Variants in PLXDC2 observed in about 807,000 individuals in gnomAD.
The protein encoded by PLXDC2 is plexin domain containing 2, also known as plexin domain-containing protein 2.
A neutral mutation model predicts 68.9 loss-of-function variants in PLXDC2; 40 were observed. That is an observed-to-expected ratio of 0.58 (90% confidence interval 0.45 to 0.76). The LOEUF is 0.76. Among genes scored for constraint, PLXDC2 ranks in the 30% least tolerant of loss-of-function variants. The pLI, the probability that PLXDC2 is intolerant of heterozygous loss-of-function variation, is 0.00. For missense variants in PLXDC2, 644 were observed against 661.9 expected, an observed-to-expected ratio of 0.97 and a Z score of 0.30; for synonymous variants, 243 against 234.2, an observed-to-expected ratio of 1.04 and a Z score of -0.34.
intron 1 of PLXDC2, among the ~76,000 whole-genome samples, chr10:19,849,582 T>A (rs747837182): frequency 4.6e-5 from 7 of 152,106 alleles, no homozygotes; most frequent in Non-Finnish European, 1.0e-4. Context: ...TTCCCCCTTT[T>A]GCTTGGCGCT....
At chr10:20,238,356 T>C (rs1588536193) in intron 12 of PLXDC2, among the ~76,000 whole-genome samples, 1 of 151,488 alleles carries the variant, frequency 6.6e-6, no homozygotes, top group East Asian at 1.9e-4. Context: ...TTTAAAAATA[T>C]GTTCTCTTGG....
At chr10:20,144,157 A>T (rs930928900) in intron 5 of PLXDC2, among the ~76,000 whole-genome samples, 1 of 152,188 alleles carries the variant, frequency 6.6e-6, no homozygotes, top group African/African-American at 2.4e-5. Context: ...TTTATATTGC[A>T]ATGATTAAAT....
intron 2 of PLXDC2, among the ~76,000 whole-genome samples, chr10:20,032,892 C>A (rs1835523204): frequency 6.6e-6 from 1 of 151,654 alleles, no homozygotes; most frequent in Non-Finnish European, 1.5e-5. Flanking sequence ...ACTTATTACC[C>A]AGTTTTTGTA....
chr10:19,939,172 A>T (rs2131396325), intron 1 of PLXDC2, among the ~76,000 whole-genome samples: 1 of 152,346 alleles, frequency 6.6e-6, no homozygotes, highest in South Asian at 2.1e-4. Context: ...GAATAATACA[A>T]AGTAATCGAT....
chr10:20,170,106 A>AT (rs1219688434), intron 7 of PLXDC2, among the ~76,000 whole-genome samples: 2 of 152,202 alleles, frequency 1.3e-5, no homozygotes, highest in African/African-American at 4.8e-5. Flanking sequence ...AAATACTACA[A>AT]AGAGGGTCTT....
chr10:20,056,764 G>A (rs1297134191), intron 3 of PLXDC2, among the ~76,000 whole-genome samples: 1 of 152,046 alleles, frequency 6.6e-6, no homozygotes, highest in South Asian at 2.1e-4. Flanking sequence ...TGGGTCTTTA[G>A]TGGAGGATGA....
intron 1 of PLXDC2, among the ~76,000 whole-genome samples, chr10:19,853,563 A>G (rs1246282739): frequency 6.8e-6 from 1 of 147,638 alleles, no homozygotes; most frequent in Non-Finnish European, 1.5e-5. Flanking sequence ...GCCTCTCCTT[A>G]TTCCTCTTCT....
At chr10:19,937,852 TCC>T (rs1833753970) in intron 1 of PLXDC2, among the ~76,000 whole-genome samples, 1 of 152,050 alleles carries the variant, frequency 6.6e-6, no homozygotes, top group African/African-American at 2.4e-5. Context: ...CAACGTCCAG[TCC>T]TTGGTCACTA....
intron 1 of PLXDC2, among the ~76,000 whole-genome samples, chr10:19,831,884 A>G (rs1455613988): frequency 6.6e-6 from 1 of 152,104 alleles, no homozygotes; most frequent in African/African-American, 2.4e-5. Context: ...ACTGCAATGC[A>G]TGTCTGCATG....
intron 1 of PLXDC2, among the ~76,000 whole-genome samples, chr10:19,886,576 C>A (rs1432507947): frequency 1.3e-5 from 2 of 152,160 alleles, no homozygotes; most frequent in East Asian, 3.8e-4. Context: ...AATTCAACAA[C>A]CTTCATGCTA....
At chr10:19,877,381 C>A (rs1310617258) in intron 1 of PLXDC2, among the ~76,000 whole-genome samples, 1 of 152,202 alleles carries the variant, frequency 6.6e-6, no homozygotes, top group African/African-American at 2.4e-5. Flanking sequence ...GCCCCCATAA[C>A]TCAGTCTCCC....
At chr10:20,037,632 A>G (rs140573158) in intron 2 of PLXDC2, among the ~76,000 whole-genome samples, 2 of 152,170 alleles carry the variant, frequency 1.3e-5, no homozygotes, top group South Asian at 4.1e-4. Context: ...TTAATAAATG[A>G]ACCAACATAA....
At chr10:20,234,504 G>A (rs1835406526) in intron 12 of PLXDC2, among the ~76,000 whole-genome samples, 1 of 152,146 alleles carries the variant, frequency 6.6e-6, no homozygotes, top group Non-Finnish European at 1.5e-5. Flanking sequence ...GTGCAAAGCA[G>A]TGAAATATAA....
intron 2 of PLXDC2, among the ~76,000 whole-genome samples, chr10:20,030,360 G>T (rs776231827): frequency 3.7e-4 from 56 of 152,202 alleles, no homozygotes; most frequent in Non-Finnish European, 7.5e-4. Flanking sequence ...GATGAAAACA[G>T]TGTGAAGTGA....
intron 9 of PLXDC2, among the ~76,000 whole-genome samples, chr10:20,179,650 AT>A (rs1477194564): frequency 1.3e-5 from 2 of 152,058 alleles, no homozygotes; most frequent in African/African-American, 4.8e-5. Flanking sequence ...TTTTAATATA[AT>A]TTTTGATGAA....
intron 1 of PLXDC2, among the ~76,000 whole-genome samples, chr10:19,919,889 G>A (rs1319716163): frequency 6.6e-6 from 1 of 152,194 alleles, no homozygotes; most frequent in African/African-American, 2.4e-5. Flanking sequence ...CTTCTAGTGT[G>A]TGAAAGGCTG....
intron 4 of PLXDC2, among the ~76,000 whole-genome samples, chr10:20,076,881 T>C (rs991466490): frequency 6.6e-6 from 1 of 152,190 alleles, no homozygotes; most frequent in Non-Finnish European, 1.5e-5. Context: ...GATGACATTT[T>C]GGGACTCTGG....
intron 1 of PLXDC2, among the ~76,000 whole-genome samples, chr10:19,957,468 T>C (rs1268352744): frequency 6.6e-6 from 1 of 152,152 alleles, no homozygotes; most frequent in Non-Finnish European, 1.5e-5. Flanking sequence ...TGTATAGAAT[T>C]TTACAAAAAT....
intron 1 of PLXDC2, among the ~76,000 whole-genome samples, chr10:19,969,566 T>C (rs767107908): frequency 1.3e-5 from 2 of 152,186 alleles, no homozygotes; most frequent in Non-Finnish European, 1.5e-5. Context: ...GAAAGTATGA[T>C]GGAAAGTGAG....
Sources: gnomAD v4.1 joint callset for allele counts (sites outside exome capture counted in the v4.1 genomes callset) on GRCh38, gnomAD v4.1.1 for gene constraint, MANE v1.5 for transcripts, NCBI Gene and HGNC (gene_info 2026-07-23, HGNC 2026-07-21) for gene names.